AHCY: variants seen among roughly 807,000 people sequenced by gnomAD.
AHCY encodes S-adenosyl-L-homocysteine hydrolase.
A neutral mutation model predicts 45.4 loss-of-function variants in AHCY; 24 were observed. The observed-to-expected ratio is 0.53, with a 90% CI of 0.38 to 0.74. The LOEUF is 0.74. Among genes scored for constraint, AHCY ranks in the 30% least tolerant of loss-of-function variants. The pLI, the probability that AHCY is intolerant of heterozygous loss-of-function variation, is 0.00. For missense variants in AHCY, 449 were observed against 594.1 expected (o/e 0.76, Z 2.54); for synonymous variants, 245 against 235.1 (o/e 1.04, Z -0.39).
rs71194603 is a variant in AHCY at position 34,286,834 on chromosome 20, CAAAAAAAAAAAAAA to C, written c.973-1214_973-1201del. ...GGGCAACAAGAGCGAAACTCCGTCT[CAAAAAAAAAAAAAA>C]AAAAAAAAAAAGATACCTTGGCCTC... On this transcript the variant is annotated intron_variant, in intron 8 of 9. Coordinates refer to ENST00000217426, the MANE Select transcript of AHCY (RefSeq NM_000687.4). Among the ~76,000 whole-genome samples the C allele has an allele frequency of 2.6e-4, 14 of 53,738 alleles. No homozygotes were observed. In the Admixed American group the frequency reaches 2.7e-3, roughly 10 times the overall value. 35.3% of individuals were successfully genotyped at this position (53,738 alleles called of 152,430 possible).
At chr20:34,267,459 CAAAAAAAA>C in the AHCY span, among the ~76,000 whole-genome samples, 58 of 46,280 alleles carry the variant, frequency 1.3e-3, 1 homozygote, top group Middle Eastern at 0.029. Context: ...AACTGGCTCT[CAAAAAAAA>C]AAAAAAAAAA....
the AHCY span, chr20:34,268,986 C>A: frequency 6.2e-7 from 1 of 1,600,186 alleles, no homozygotes; most frequent in Non-Finnish European, 8.5e-7. Flanking sequence ...GCGTTTCCCA[C>A]GCAGAAGGAG....
the AHCY span, among the ~76,000 whole-genome samples, chr20:34,238,036 T>C: frequency 2.0e-5 from 3 of 152,308 alleles, no homozygotes; most frequent in African/African-American, 7.2e-5. Context: ...ATTTATTGTA[T>C]GTGATGAGTC....
the AHCY span, chr20:34,260,640 C>T: frequency 7.9e-7 from 1 of 1,269,796 alleles, no homozygotes; most frequent in Non-Finnish European, 1.1e-6. Flanking sequence ...ACGGCTCCTT[C>T]TTGCTCGTTC....
chr20:34,305,937 C>A (rs571222964), upstream of AHCY, among the ~76,000 whole-genome samples: 1 of 151,952 alleles, frequency 6.6e-6, no homozygotes, highest in African/African-American at 2.4e-5. Context: ...CAAAAATTAG[C>A]CGGGCGTGAT....
chr20:34,265,643 G>A, the AHCY span, among the ~76,000 whole-genome samples: 1 of 151,290 alleles, frequency 6.6e-6, no homozygotes, highest in Non-Finnish European at 1.5e-5. Context: ...ATAAATAGAA[G>A]GTAACTATAA....
chr20:34,292,991 C>G (rs553579191), intron 3 of AHCY, among the ~76,000 whole-genome samples: 2 of 152,258 alleles, frequency 1.3e-5, no homozygotes, highest in South Asian at 4.1e-4. Context: ...ACTGAAAGGA[C>G]TGGAGCACTA....
At chr20:34,269,336 T>A in the AHCY span, 1 of 814,728 alleles carries the variant, frequency 1.2e-6, no homozygotes, top group Non-Finnish European at 1.8e-6. Flanking sequence ...ACAATATATA[T>A]AGGCTGCTCG....
intron 8 of AHCY, among the ~76,000 whole-genome samples, chr20:34,288,991 CTTTTTGT>C (rs1310264420): frequency 6.6e-6 from 1 of 152,080 alleles, no homozygotes. Flanking sequence ...AGCTGTGTCC[CTTTTTGT>C]TTTTTGTTTT....
the AHCY span, among the ~76,000 whole-genome samples, chr20:34,272,987 G>A: frequency 9.9e-5 from 15 of 152,202 alleles, no homozygotes; most frequent in Non-Finnish European, 5.9e-5. Flanking sequence ...GAGCTTCTGC[G>A]TCCTCCCTGG....
upstream of AHCY, among the ~76,000 whole-genome samples, chr20:34,307,949 C>T (rs575227035): frequency 1.1e-4 from 16 of 151,874 alleles, no homozygotes; most frequent in East Asian, 2.9e-3. Context: ...TCTCCCTTTT[C>T]TCACCCTCAT....
At chr20:34,304,615 G>T (rs1093782), upstream of AHCY, among the ~76,000 whole-genome samples, 108,942 of 151,382 alleles carry the variant, frequency 0.72, 43,618 homozygotes, top group Non-Finnish European at 0.89. Flanking sequence ...CACCTCCCGG[G>T]TTCAAGCAAT....
chr20:34,287,580 C>T (rs978918369), intron 8 of AHCY, among the ~76,000 whole-genome samples: 5 of 151,772 alleles, frequency 3.3e-5, no homozygotes, highest in African/African-American at 1.2e-4. Context: ...TTAGTAGAGA[C>T]AGGGTTTGAC....
At chr20:34,295,718 TCA>T (rs2036558766) in intron 1 of AHCY, 133 bp from the exon 2 acceptor site, 2 of 903,710 alleles carry the variant, frequency 2.2e-6, no homozygotes, top group Non-Finnish European at 3.5e-6. Context: ...CCGCATTCTC[TCA>T]CTCATGCAAC....
chr20:34,253,848 C>T, the AHCY span, among the ~76,000 whole-genome samples: 3 of 152,220 alleles, frequency 2.0e-5, no homozygotes, highest in Non-Finnish European at 2.9e-5. Context: ...TGATCTGACT[C>T]GTGTGTCTGG....
At chr20:34,233,088 C>T in the AHCY span, among the ~76,000 whole-genome samples, 1 of 152,060 alleles carries the variant, frequency 6.6e-6, no homozygotes, top group South Asian at 2.1e-4. Context: ...CCAATTCTTC[C>T]CCACTCACAC....
intron 2 of AHCY, among the ~76,000 whole-genome samples, 162 bp from the exon 3 acceptor site, chr20:34,294,318 G>C (rs2036502660): frequency 6.6e-6 from 1 of 152,154 alleles, no homozygotes; most frequent in Non-Finnish European, 1.5e-5. Context: ...TGGGCAGATG[G>C]GAGCCAGAGC....
At chr20:34,258,700 A>ATATACACACATAC in the AHCY span, among the ~76,000 whole-genome samples, 1 of 77,918 alleles carries the variant, frequency 1.3e-5, no homozygotes, top group Non-Finnish European at 2.4e-5. Context: ...TACATACTAT[A>ATATACACACATAC]TATATATATT....
chr20:34,285,738 T>C, intron 8 of AHCY, 104 bp from the exon 9 acceptor site: 1 of 1,228,452 alleles, frequency 8.1e-7, no homozygotes, highest in Non-Finnish European at 1.2e-6. Flanking sequence ...CCATGAGGAG[T>C]CCGAACTGCT....
Sources: allele counts gnomAD v4.1 joint callset (sites outside exome capture counted in the v4.1 genomes callset), GRCh38; gene constraint gnomAD v4.1.1; transcripts MANE v1.5; gene names NCBI Gene and HGNC (gene_info 2026-07-23, HGNC 2026-07-21).